PLD5: variants seen among roughly 807,000 people sequenced by gnomAD.
PLD5 encodes the protein inactive phospholipase D5.
Under a neutral mutation model 61.1 loss-of-function variants are expected in PLD5, and 36 were observed. The observed-to-expected ratio is 0.59, with a 90% CI of 0.45 to 0.78. The LOEUF (loss-of-function observed/expected upper bound fraction) is 0.78, where lower values mean the gene tolerates loss of function less well. Among genes scored for constraint, PLD5 ranks in the 30% least tolerant of loss-of-function variants. The probability of loss-of-function intolerance (pLI) is 0.00; values close to 1 mark genes in which losing one functional copy is unlikely to be tolerated. For synonymous variants in PLD5, 243 were observed against 242.8 expected, an observed-to-expected ratio of 1.00 and a Z score of -0.01; for missense variants, 515 against 644.4, an observed-to-expected ratio of 0.80 and a Z score of 2.17.
At chr1:242,193,306 C>T (rs1668398514) in intron 5 of PLD5, among the ~76,000 whole-genome samples, 1 of 152,146 alleles carries the variant, frequency 6.6e-6, no homozygotes, top group Non-Finnish European at 1.5e-5. Flanking sequence ...CTTCTCTTTT[C>T]TGGAAATTCT....
chr1:242,255,597 TA>T (rs1006758743), intron 4 of PLD5, among the ~76,000 whole-genome samples: 3 of 152,260 alleles, frequency 2.0e-5, no homozygotes, highest in African/African-American at 4.8e-5. Context: ...TAAAGTATAA[TA>T]AAAAAAATTA....
rs532052958 is a variant in PLD5 at position 242,119,156 on chromosome 1, A to T, written c.934-5130T>A. ...TTAATCTGGGTTTGTCTCTTAGATC[A>T]GTAGGCACCATATGAATGTAATTTA... On this transcript the variant is annotated intron_variant, in intron 6 of 9. Coordinates refer to ENST00000536534, the MANE Select transcript of PLD5 (RefSeq NM_001372062.1). 1.9e-3 allele frequency among the ~76,000 whole-genome samples: 297 copies of T among 152,338 alleles called. 1 individual carries two copies. Among genetic ancestry groups the T allele is most frequent in the Non-Finnish European group, 1.2e-3 (85 of 68,026 alleles).
intron 5 of PLD5, among the ~76,000 whole-genome samples, chr1:242,206,099 A>ATCAC (rs1251326763): frequency 3.3e-5 from 5 of 152,356 alleles, no homozygotes; most frequent in African/African-American, 1.2e-4. Context: ...GCAAAGAACT[A>ATCAC]TCACTACTCA....
chr1:242,275,849 T>C (rs915417888), intron 3 of PLD5, among the ~76,000 whole-genome samples: 9 of 152,140 alleles, frequency 5.9e-5, no homozygotes, highest in Non-Finnish European at 1.3e-4. Flanking sequence ...GTAAGACGCA[T>C]TGAAGAGTTT....
At chr1:242,200,162 G>A (rs1023078512) in intron 5 of PLD5, among the ~76,000 whole-genome samples, 1 of 152,178 alleles carries the variant, frequency 6.6e-6, no homozygotes, top group Non-Finnish European at 1.5e-5. Context: ...GCTGAAGGCC[G>A]GGGGCCTCTG....
rs1369423231 is a variant in PLD5, at chr1:242,177,421, AG to A, written c.735+42566del. Among the ~76,000 whole-genome samples the A allele has an allele frequency of 5.9e-5, 9 of 152,098 alleles. 1 individual carries two copies. The highest frequency in any genetic ancestry group is 2.2e-4 in the African/African-American group (9 of 41,438). On this transcript the variant is annotated intron_variant, in intron 5 of 9. Coordinates refer to ENST00000536534, the MANE Select transcript of PLD5 (RefSeq NM_001372062.1). ...CACACACCGGGGCCTGTTGGGTGGT[AG>A]GGGGCTATGGGAGGGATAGCATTAG... is the stretch of plus-strand genomic sequence containing the variant.
At chr1:242,402,906 A>C (rs12118421) in intron 1 of PLD5, among the ~76,000 whole-genome samples, 7,870 of 152,300 alleles carry the variant, frequency 0.052, 286 homozygotes, top group Middle Eastern at 0.15. Context: ...TAGAAGCTAG[A>C]AGTAATTTAC....
intron 2 of PLD5, among the ~76,000 whole-genome samples, chr1:242,318,606 T>G (rs573696567): frequency 6.6e-6 from 1 of 152,092 alleles, no homozygotes; most frequent in African/African-American, 2.4e-5. Flanking sequence ...AAATGTCAAG[T>G]GTGCTGGTCA....
At chr1:242,493,573 C>A (rs1668244706) in intron 1 of PLD5, among the ~76,000 whole-genome samples, 1 of 152,166 alleles carries the variant, frequency 6.6e-6, no homozygotes, top group African/African-American at 2.4e-5. Context: ...CCCTCGCCGC[C>A]ACCTCCAAAG....
At chr1:242,377,497 C>T (rs776225588) in intron 1 of PLD5, 24 of 643,590 alleles carry the variant, frequency 3.7e-5, no homozygotes, top group South Asian at 3.5e-4. Flanking sequence ...CAGCTTCTTC[C>T]AACAAAAGCC....
At chr1:242,376,869 A>G in intron 1 of PLD5, 1 of 1,520,310 alleles carries the variant, frequency 6.6e-7, no homozygotes, top group Non-Finnish European at 8.8e-7. Context: ...TGTAACAAAA[A>G]TGTCTTTTTT....
chr1:242,225,112 G>A (rs377330050), intron 4 of PLD5, among the ~76,000 whole-genome samples: 5 of 152,216 alleles, frequency 3.3e-5, no homozygotes, highest in Admixed American at 1.3e-4. Flanking sequence ...CATAATGCAC[G>A]TGAGACCCAT....
At chr1:242,347,981 C>T (rs959751905) in intron 2 of PLD5, 125 bp downstream of exon 2, 166 of 1,181,252 alleles carry the variant, frequency 1.4e-4, no homozygotes, top group Non-Finnish European at 2.0e-4. Context: ...ACTCACACCT[C>T]AGCTTAAGCT....
At chr1:242,353,461 C>T (rs1246987974) in intron 1 of PLD5, among the ~76,000 whole-genome samples, 2 of 152,092 alleles carry the variant, frequency 1.3e-5, no homozygotes, top group Non-Finnish European at 2.9e-5. Flanking sequence ...TAGTGTGATG[C>T]CTCTGGCTTT....
At chr1:242,348,788 C>T (rs572593314) in intron 1 of PLD5, among the ~76,000 whole-genome samples, 20 of 152,286 alleles carry the variant, frequency 1.3e-4, no homozygotes, top group Admixed American at 9.2e-4. Context: ...GGCGCGGTGG[C>T]TCATGCCTGT....
At chr1:242,431,091 C>T (rs982972179) in intron 1 of PLD5, among the ~76,000 whole-genome samples, 1 of 152,126 alleles carries the variant, frequency 6.6e-6, no homozygotes, top group Non-Finnish European at 1.5e-5. Flanking sequence ...ATAAAATATA[C>T]CATTTTAACT....
chr1:242,131,230 T>A (rs1663216660), intron 5 of PLD5, among the ~76,000 whole-genome samples: 1 of 152,110 alleles, frequency 6.6e-6, no homozygotes, highest in Non-Finnish European at 1.5e-5. Context: ...TGCTTGAACC[T>A]GGGAGGCAGA....
intron 1 of PLD5, among the ~76,000 whole-genome samples, chr1:242,352,606 G>T (rs1007141675): frequency 2.6e-5 from 4 of 152,088 alleles, no homozygotes; most frequent in Non-Finnish European, 4.4e-5. Context: ...TCTATTTTTA[G>T]TTTTTTGAGG....
intron 1 of PLD5, among the ~76,000 whole-genome samples, chr1:242,452,523 G>A (rs1005562499): frequency 6.6e-6 from 1 of 151,948 alleles, no homozygotes; most frequent in Non-Finnish European, 1.5e-5. Flanking sequence ...ATTAAAAAAC[G>A]TGGACATCCA....
Sources: allele counts gnomAD v4.1 joint callset (sites outside exome capture counted in the v4.1 genomes callset), GRCh38; gene constraint gnomAD v4.1.1; transcripts MANE v1.5; gene names NCBI Gene and HGNC (gene_info 2026-07-23, HGNC 2026-07-21).